The following COG5 variants were observed in gnomAD, a reference collection of about 807,000 sequenced individuals.
COG5 encodes conserved oligomeric Golgi complex subunit 5.
A neutral mutation model predicts 110.4 loss-of-function variants in COG5; 86 were observed. That is an observed-to-expected ratio of 0.78 (90% CI 0.65 to 0.93). COG5 has a LOEUF of 0.93. Among genes scored for constraint, COG5 ranks in the 40% least tolerant of loss-of-function variants. COG5 has a pLI of 0.00. For synonymous variants in COG5, 360 were observed against 334.6 expected (o/e 1.08, Z -0.83); for missense variants, 1,077 against 987.0 (o/e 1.09, Z -1.22).
intron 19 of COG5, among the ~76,000 whole-genome samples, chr7:107,219,017 T>A (rs1799714481): frequency 6.6e-6 from 1 of 151,996 alleles, no homozygotes. Context: ...CTACCCAATT[T>A]AAAAATGTGC....
Position 107,474,075 on chromosome 7 carries a change from C to T in COG5, c.538+53162G>A. On this transcript the variant is annotated intron_variant, in intron 6 of 21. Transcript: ENST00000297135. This position sits in a 1 kb window ranked among gnomAD's most constrained non-coding sequence, Gnocchi z 5.7. Reference sequence around the variant, plus strand: ...GCTCCAAAAGAATGTGTTTTTCTCCCATTCTGGAAATCAACATGCAGTCTG... The same window carrying T: ...GCTCCAAAAGAATGTGTTTTTCTCCTATTCTGGAAATCAACATGCAGTCTG... The T allele has an allele frequency of 1.3e-6, 2 of 1,559,784 alleles. No individual in the cohort carries two copies. Among genetic ancestry groups the T allele is most frequent in the Non-Finnish European group, 1.7e-6 (2 of 1,149,270 alleles).
intron 16 of COG5, among the ~76,000 whole-genome samples, chr7:107,253,684 C>T (rs1292648310): frequency 6.6e-6 from 1 of 152,140 alleles, no homozygotes; most frequent in Non-Finnish European, 1.5e-5. Context: ...GACTCTGCAT[C>T]TGCTCTCCAC....
intron 10 of COG5, among the ~76,000 whole-genome samples, chr7:107,331,961 G>A (rs1390146814): frequency 6.6e-6 from 1 of 151,488 alleles, no homozygotes; most frequent in African/African-American, 2.4e-5. Flanking sequence ...TGATTCCCGT[G>A]CCTCAGCCTC....
rs749806249 is a variant in COG5, at chr7:107,298,282, G to A, written c.1173C>T (p.Asp391=). Residue 391 remains aspartate, a synonymous_variant, in exon 12 of 22, where the codon GAC becomes GAT. Transcript: ENST00000297135. ...TGTATTGTTGAAGACGCTTCCATAA[G>A]TCATTATAAAGACGTAATAATTTAG... is the stretch of plus-strand genomic sequence containing the variant. ...EYPKLLRLYN[D]LWKRLQQYSQ... 6.8e-6 allele frequency: 11 copies of A among 1,613,478 alleles called. No individual in the cohort carries two copies. Among genetic ancestry groups the A allele is most frequent in the Non-Finnish European group, 9.3e-6 (11 of 1,179,698 alleles).
chr7:107,524,697 T>C (rs1800597124), intron 6 of COG5, among the ~76,000 whole-genome samples: 1 of 152,226 alleles, frequency 6.6e-6, no homozygotes, highest in Non-Finnish European at 1.5e-5. Context: ...AGACATGATG[T>C]CTTTGCAAAT....
chr7:107,356,608 AAAG>A (rs1178072534), intron 10 of COG5, among the ~76,000 whole-genome samples: 2 of 152,298 alleles, frequency 1.3e-5, no homozygotes, highest in Admixed American at 6.5e-5. Context: ...TGAATAAAAA[AAAG>A]AAAAAAATTT....
chr7:107,431,298 A>C (rs1425912772), intron 6 of COG5, among the ~76,000 whole-genome samples: 1 of 152,222 alleles, frequency 6.6e-6, no homozygotes, highest in East Asian at 1.9e-4. Context: ...GAAATTTGAA[A>C]ATCTACAATT....
intron 11 of COG5, among the ~76,000 whole-genome samples, chr7:107,308,082 A>G (rs528052371): frequency 6.6e-6 from 1 of 152,290 alleles, no homozygotes; most frequent in African/African-American, 2.4e-5. Flanking sequence ...CATCAACCTA[A>G]TCTGTAGTTC....
chr7:107,312,059 C>T (rs778602082), intron 11 of COG5, among the ~76,000 whole-genome samples: 69 of 151,862 alleles, frequency 4.5e-4, no homozygotes, highest in Admixed American at 2.7e-3. Context: ...AGCTTCCCAT[C>T]CTATAATAAT....
intron 18 of COG5, among the ~76,000 whole-genome samples, chr7:107,231,348 T>C (rs1237989563): frequency 6.6e-6 from 1 of 152,246 alleles, no homozygotes; most frequent in Non-Finnish European, 1.5e-5. Context: ...AATTTTTCTC[T>C]TTTCAATTAT....
intron 6 of COG5, among the ~76,000 whole-genome samples, chr7:107,522,647 A>G (rs1329673890): frequency 6.6e-6 from 1 of 152,178 alleles, no homozygotes; most frequent in Non-Finnish European, 1.5e-5. Flanking sequence ...AAATAAAAAA[A>G]TCTTCTGAGT....
intron 17 of COG5, among the ~76,000 whole-genome samples, chr7:107,243,168 T>C (rs1027271424): frequency 6.6e-6 from 1 of 152,140 alleles, no homozygotes; most frequent in Non-Finnish European, 1.5e-5. Flanking sequence ...TATATATATA[T>C]GGACCCAACA....
intron 11 of COG5, among the ~76,000 whole-genome samples, chr7:107,313,899 C>A (rs1254429643): frequency 6.6e-6 from 1 of 152,132 alleles, no homozygotes; most frequent in Non-Finnish European, 1.5e-5. Context: ...GACTATTATT[C>A]TGCCTATCAA....
rs1044896979 is a variant in COG5 at position 107,295,402 on chromosome 7, T to C, written c.1313+2740A>G. On this transcript the variant is annotated intron_variant, in intron 12 of 21. Transcript: ENST00000297135. ...CTATATAGTAAGCAACTCTACAGCA[T>C]TGTTTTATTTGCTTCATAGCAATTA... 7.2e-5 allele frequency among the ~76,000 whole-genome samples: 11 copies of C among 152,178 alleles called. No individual in the cohort carries two copies. In the East Asian group the frequency reaches 2.1e-3, roughly 29 times the overall value.
In COG5 at chr7:107,541,526, AT is replaced by A. The variant is rs1802027734; in HGVS notation, c.417+6584del. Among the ~76,000 whole-genome samples the A allele has an allele frequency of 3.9e-5, 5 of 128,020 alleles. No individual in the cohort carries two copies. In the South Asian group the frequency reaches 1.2e-3, roughly 32 times the overall value. 84.0% of individuals were successfully genotyped at this position (128,020 alleles called of 152,430 possible). A position where few individuals can be genotyped will look rare whatever the true frequency, so the allele number is the denominator to read the frequency against. On this transcript the variant is annotated intron_variant, in intron 5 of 21. Coordinates refer to ENST00000297135, the MANE Select transcript of COG5 (RefSeq NM_006348.5). ...AAAAAAAAAAAAAAAAAAAAAAAAT[AT>A]ATATATATATATATATGTATTTATG... is the stretch of plus-strand genomic sequence containing the variant.
At chr7:107,461,892 C>T (rs994516517) in intron 6 of COG5, among the ~76,000 whole-genome samples, 2 of 152,050 alleles carry the variant, frequency 1.3e-5, no homozygotes, top group African/African-American at 4.8e-5. Flanking sequence ...TTAAAGCAAC[C>T]TAAATAAGTG....
At chr7:107,353,502 G>A (rs1812359895) in intron 10 of COG5, among the ~76,000 whole-genome samples, 1 of 151,230 alleles carries the variant, frequency 6.6e-6, no homozygotes, top group Non-Finnish European at 1.5e-5. Flanking sequence ...AAAATAATAT[G>A]GATAGGTATA....
chr7:107,345,665 T>C (rs879321454), intron 10 of COG5, among the ~76,000 whole-genome samples: 8 of 152,120 alleles, frequency 5.3e-5, no homozygotes, highest in African/African-American at 1.9e-4. Flanking sequence ...AGAGAACATA[T>C]AGGTAATACT....
intron 15 of COG5, among the ~76,000 whole-genome samples, chr7:107,257,983 A>C (rs2116621282): frequency 6.6e-6 from 1 of 152,280 alleles, no homozygotes; most frequent in Non-Finnish European, 1.5e-5. Flanking sequence ...TGTTTCAATA[A>C]GTATGAAATA....
Sources: gnomAD v4.1 joint callset for allele counts (sites outside exome capture counted in the v4.1 genomes callset) on GRCh38, gnomAD v4.1.1 for gene constraint, Gnocchi (gnomAD v3.1) non-coding constraint, MANE v1.5 for transcripts, NCBI Gene and HGNC (gene_info 2026-07-23, HGNC 2026-07-21) for gene names.